Variants in UBE2R2 observed in about 807,000 individuals in gnomAD.
UBE2R2 encodes ubiquitin conjugating enzyme E2 R2.
UBE2R2 carries 1 observed loss-of-function variant against 27.8 expected under a neutral mutation model. That is an observed-to-expected ratio of 0.04 (90% CI 0.01 to 0.17). The LOEUF (loss-of-function observed/expected upper bound fraction) is 0.17. Among genes scored for constraint, UBE2R2 ranks in the 10% least tolerant of loss-of-function variants. The probability of loss-of-function intolerance (pLI) is 1.00; values close to 1 mark genes in which losing one functional copy is unlikely to be tolerated. For missense variants in UBE2R2, 100 were observed against 291.0 expected (o/e 0.34, Z 4.78); for synonymous variants, 106 against 113.3 (o/e 0.94, Z 0.41).
At position 33,886,867 on chromosome 9, in the gene UBE2R2, T is replaced by G; in HGVS notation, c.178-14T>G. On this transcript the variant is annotated splice_polypyrimidine_tract_variant and intron_variant, in intron 1 of 4. Transcript: ENST00000263228. Reference sequence around the variant, plus strand: ...TAGTCTCATTTATTAGCATTTCATTTTTTTTCTTTTCAGGCGCATATTAAA... The same window carrying G: ...TAGTCTCATTTATTAGCATTTCATTGTTTTTCTTTTCAGGCGCATATTAAA... The G allele has an allele frequency of 6.4e-7, 1 of 1,572,084 alleles. No individual in the cohort carries two copies. The highest frequency in any genetic ancestry group is 8.6e-7 in the Non-Finnish European group (1 of 1,166,484).
At chr9:33,886,435 T>G (rs1307712010) in intron 1 of UBE2R2, among the ~76,000 whole-genome samples, 7 of 152,046 alleles carry the variant, frequency 4.6e-5, no homozygotes, top group Admixed American at 2.6e-4. Flanking sequence ...GGCAGGTGGA[T>G]CACAAGGTCA....
chr9:33,910,166 A>G (rs1822452663), intron 3 of UBE2R2, among the ~76,000 whole-genome samples: 1 of 152,054 alleles, frequency 6.6e-6, no homozygotes, highest in African/African-American at 2.4e-5. Context: ...TATTTTTGAG[A>G]TGGAGTCTTG....
chr9:33,883,498 G>A (rs1295311335), intron 1 of UBE2R2, among the ~76,000 whole-genome samples: 1 of 150,918 alleles, frequency 6.6e-6, no homozygotes, highest in African/African-American at 2.4e-5. Context: ...GGCAGATCAC[G>A]AGGTCAAGAG....
At chr9:33,858,886 G>A (rs1277692924) in intron 1 of UBE2R2, among the ~76,000 whole-genome samples, 6 of 151,960 alleles carry the variant, frequency 3.9e-5, no homozygotes, top group Non-Finnish European at 7.4e-5. Context: ...GTGCAGTGGC[G>A]CAATCTCAGC....
chr9:33,821,261 TC>T (rs1237365861), intron 1 of UBE2R2, among the ~76,000 whole-genome samples: 1 of 152,128 alleles, frequency 6.6e-6, no homozygotes, highest in Non-Finnish European at 1.5e-5. Context: ...CAAGCAGTCC[TC>T]CCACCTCAGC....
intron 1 of UBE2R2, among the ~76,000 whole-genome samples, chr9:33,838,263 C>T (rs1587434688): frequency 2.2e-5 from 3 of 135,044 alleles, no homozygotes; most frequent in East Asian, 2.1e-4. Flanking sequence ...GCTTTTTTTA[C>T]TGTTTTTTTT....
In UBE2R2 at chr9:33,918,597, A is replaced by AT. The variant is rs1416387283; in HGVS notation, c.*1361dup. On this transcript the variant is annotated 3_prime_UTR_variant, in exon 5 of 5. Coordinates refer to ENST00000263228, the MANE Select transcript of UBE2R2 (RefSeq NM_017811.4). ...ATATTGAGATCCAGCAGCCTTCACC[A>AT]TCCAGGAGACTTCAGAACTTGAAGG... is the stretch of plus-strand genomic sequence containing the variant. 2.0e-5 allele frequency: 3 copies of AT among 152,368 alleles called. No individual in the cohort carries two copies. Among genetic ancestry groups the AT allele is most frequent in the Non-Finnish European group, 4.4e-5 (3 of 68,040 alleles). 9.4% of individuals were successfully genotyped at this position (152,368 alleles called of 1,614,324 possible).
chr9:33,858,437 C>T (rs1033523302), intron 1 of UBE2R2, among the ~76,000 whole-genome samples: 101 of 151,872 alleles, frequency 6.7e-4, no homozygotes, highest in African/African-American at 2.3e-3. Flanking sequence ...TTTCCTCAGA[C>T]GGTGTCTCAC....
At chr9:33,857,859 CT>C (rs1212500481) in intron 1 of UBE2R2, among the ~76,000 whole-genome samples, 1 of 152,026 alleles carries the variant, frequency 6.6e-6, no homozygotes. Context: ...TTCATTTGTC[CT>C]TTTTTCCCCC....
intron 3 of UBE2R2, among the ~76,000 whole-genome samples, chr9:33,903,423 A>G (rs377666773): frequency 6.6e-6 from 1 of 152,106 alleles, no homozygotes; most frequent in African/African-American, 2.4e-5. Flanking sequence ...CCCTCTCCCT[A>G]TTTGAGAAAA....
intron 3 of UBE2R2, among the ~76,000 whole-genome samples, chr9:33,907,959 G>A (rs1381996547): frequency 1.3e-5 from 2 of 151,916 alleles, no homozygotes; most frequent in African/African-American, 4.8e-5. Context: ...CTTCCGAGTA[G>A]CTGGGATTAT....
intron 1 of UBE2R2, among the ~76,000 whole-genome samples, chr9:33,826,936 A>G (rs1820327924): frequency 1.3e-5 from 2 of 152,136 alleles, no homozygotes; most frequent in South Asian, 2.1e-4. Context: ...TCCAAAAATT[A>G]GCCAGGCATG....
At chr9:33,876,351 A>G (rs541963234) in intron 1 of UBE2R2, among the ~76,000 whole-genome samples, 31 of 152,070 alleles carry the variant, frequency 2.0e-4, no homozygotes, top group Non-Finnish European at 4.1e-4. Flanking sequence ...GCAAGACTCC[A>G]TCTCAAAAAT....
At chr9:33,841,343 G>A (rs867312092) in intron 1 of UBE2R2, among the ~76,000 whole-genome samples, 1 of 152,150 alleles carries the variant, frequency 6.6e-6, no homozygotes, top group Non-Finnish European at 1.5e-5. Context: ...GCCTCCCAAA[G>A]TGCTGGGATT....
At chr9:33,912,549 G>A (rs1326859411) in intron 4 of UBE2R2, among the ~76,000 whole-genome samples, 6 of 151,736 alleles carry the variant, frequency 4.0e-5, no homozygotes, top group Admixed American at 3.3e-4. Flanking sequence ...GCTTGAACCC[G>A]GGAGTTGAAT....
chr9:33,843,595 C>T (rs1820777646), intron 1 of UBE2R2, among the ~76,000 whole-genome samples: 1 of 149,964 alleles, frequency 6.7e-6, no homozygotes, highest in Non-Finnish European at 1.5e-5. Context: ...CCTCCTGCCT[C>T]AGCCCCCCTA....
At chr9:33,890,466 A>T (rs1821954839) in intron 2 of UBE2R2, among the ~76,000 whole-genome samples, 1 of 151,562 alleles carries the variant, frequency 6.6e-6, no homozygotes, top group Admixed American at 6.6e-5. Context: ...ACTCAGCAGG[A>T]TAAGGCAGGA....
chr9:33,835,971 GT>G (rs1473899949), intron 1 of UBE2R2, among the ~76,000 whole-genome samples: 1 of 152,176 alleles, frequency 6.6e-6, no homozygotes, highest in African/African-American at 2.4e-5. Context: ...GAAGCTAAGT[GT>G]TGTTTCAAAG....
chr9:33,840,015 T>C (rs1820698317), intron 1 of UBE2R2, among the ~76,000 whole-genome samples: 1 of 152,110 alleles, frequency 6.6e-6, no homozygotes, highest in Non-Finnish European at 1.5e-5. Flanking sequence ...AAAAATTCTG[T>C]TGTTTATAAG....
Sources: gnomAD v4.1 joint callset for allele counts (sites outside exome capture counted in the v4.1 genomes callset) on GRCh38, gnomAD v4.1.1 for gene constraint, MANE v1.5 for transcripts, NCBI Gene and HGNC (gene_info 2026-07-23, HGNC 2026-07-21) for gene names.